Variants in CNTN5 observed in about 807,000 individuals in gnomAD.
The protein encoded by CNTN5 is contactin 5, also known as contactin-5.
A neutral mutation model predicts 129.1 loss-of-function variants in CNTN5; 77 were observed. The observed-to-expected ratio is 0.60, with a 90% confidence interval of 0.50 to 0.72. The LOEUF is 0.72. CNTN5 is among the 30% of genes least tolerant of loss of function. The pLI is 0.00. For synonymous variants in CNTN5, 509 were observed against 465.6 expected (o/e 1.09, Z -1.20); for missense variants, 1,478 against 1,328.8 (o/e 1.11, Z -1.75).
intron 16 of CNTN5, among the ~76,000 whole-genome samples, chr11:100,255,382 T>G (rs77091005): frequency 0.035 from 5,256 of 152,210 alleles, 336 homozygotes; most frequent in African/African-American, 0.12. Flanking sequence ...ATTTTTTTTT[T>G]GTCTCTGTAG....
chr11:99,399,837 CT>C (rs536751453), intron 2 of CNTN5, among the ~76,000 whole-genome samples: 6 of 151,366 alleles, frequency 4.0e-5, no homozygotes, highest in South Asian at 2.1e-4. Flanking sequence ...ATTTCTTTGG[CT>C]TTTTTTCTAT....
At chr11:100,251,541 G>C (rs1268660786) in intron 16 of CNTN5, among the ~76,000 whole-genome samples, 1 of 151,916 alleles carries the variant, frequency 6.6e-6, no homozygotes, top group Non-Finnish European at 1.5e-5. Flanking sequence ...CTGTACTTTT[G>C]TATCCTTTAA....
intron 2 of CNTN5, among the ~76,000 whole-genome samples, chr11:99,425,887 C>T (rs535929585): frequency 3.3e-5 from 5 of 152,320 alleles, no homozygotes; most frequent in South Asian, 2.1e-4. Context: ...GTCTTCACAG[C>T]GCTGCTCCAG....
At chr11:100,124,179 A>G (rs1048000208) in intron 13 of CNTN5, among the ~76,000 whole-genome samples, 1 of 152,040 alleles carries the variant, frequency 6.6e-6, no homozygotes, top group Non-Finnish European at 1.5e-5. Context: ...GAATTGTTAA[A>G]ATAGTTTGCT....
chr11:100,188,299 C>G (rs1406000667), intron 13 of CNTN5, among the ~76,000 whole-genome samples: 1 of 151,976 alleles, frequency 6.6e-6, no homozygotes, highest in East Asian at 1.9e-4. Context: ...CAAAAATTAG[C>G]CGGGTGTAGC....
intron 21 of CNTN5, among the ~76,000 whole-genome samples, chr11:100,320,769 G>A (rs1951675212): frequency 6.6e-6 from 1 of 152,012 alleles, no homozygotes; most frequent in South Asian, 2.1e-4. Flanking sequence ...TCAGTCTTCT[G>A]CATGTGGATA....
At position 99,275,186 on chromosome 11, in the gene CNTN5, T is replaced by A. The variant is rs1863368141; in HGVS notation, c.-209-50160T>A. Among the ~76,000 whole-genome samples, 4 of 151,046 alleles carry A rather than the reference T, an allele frequency of 2.6e-5. No homozygotes were observed. In the Admixed American group the frequency reaches 2.7e-4, roughly 10 times the overall value. On this transcript the variant is annotated intron_variant, in intron 1 of 24. Coordinates refer to ENST00000524871, the MANE Select transcript of CNTN5 (RefSeq NM_014361.4). ...TATTGACTTCATTGACAAGCCAAGT[T>A]CATTGATATATAAAAAAAAACTCAA...
chr11:99,642,467 T>C (rs1197223016), intron 3 of CNTN5, among the ~76,000 whole-genome samples: 1 of 152,214 alleles, frequency 6.6e-6, no homozygotes, highest in East Asian at 1.9e-4. Flanking sequence ...TTGTTTACTT[T>C]GTATTTTGTC....
intron 3 of CNTN5, among the ~76,000 whole-genome samples, chr11:99,793,474 G>C (rs1411242121): frequency 6.6e-6 from 1 of 152,110 alleles, no homozygotes; most frequent in Non-Finnish European, 1.5e-5. Context: ...TCTTCCGCTA[G>C]ATTTGGGGGT....
At chr11:99,411,594 G>A (rs1201593739) in intron 2 of CNTN5, among the ~76,000 whole-genome samples, 1 of 152,048 alleles carries the variant, frequency 6.6e-6, no homozygotes, top group African/African-American at 2.4e-5. Flanking sequence ...AGCTCTTAGG[G>A]TTTTATGTGG....
intron 1 of CNTN5, among the ~76,000 whole-genome samples, chr11:99,081,856 C>T (rs944239389): frequency 2.6e-5 from 4 of 152,096 alleles, no homozygotes; most frequent in African/African-American, 7.2e-5. Context: ...TAATATAATG[C>T]TTGAGACTAG....
chr11:99,523,303 G>C (rs1234581405), intron 2 of CNTN5, among the ~76,000 whole-genome samples: 1 of 152,160 alleles, frequency 6.6e-6, no homozygotes, highest in African/African-American at 2.4e-5. Context: ...ATTATGGGCT[G>C]TTTAAAATAG....
chr11:100,098,697 T>C (rs1289113038), intron 13 of CNTN5, among the ~76,000 whole-genome samples: 5 of 152,068 alleles, frequency 3.3e-5, no homozygotes, highest in Non-Finnish European at 5.9e-5. Context: ...AGTAGCATTT[T>C]GGGCCAGCAA....
intron 6 of CNTN5, among the ~76,000 whole-genome samples, chr11:99,915,771 CTT>C (rs769460205): frequency 2.6e-5 from 4 of 152,078 alleles, no homozygotes; most frequent in Admixed American, 6.6e-5. Context: ...AAAAATGACT[CTT>C]TGTGTTAAAA....
chr11:99,747,452 T>C (rs1215541896), intron 3 of CNTN5, among the ~76,000 whole-genome samples: 1 of 147,552 alleles, frequency 6.8e-6, no homozygotes, highest in Non-Finnish European at 1.5e-5. Flanking sequence ...TGAATAGAAG[T>C]CAGCATCCTT....
intron 16 of CNTN5, among the ~76,000 whole-genome samples, chr11:100,239,552 G>T (rs1214658870): frequency 1.3e-5 from 2 of 152,090 alleles, no homozygotes; most frequent in Non-Finnish European, 2.9e-5. Flanking sequence ...CATACCTTCA[G>T]TTGACAGTAA....
intron 15 of CNTN5, among the ~76,000 whole-genome samples, chr11:100,218,178 A>G (rs11223277): frequency 0.063 from 9,538 of 152,314 alleles, 373 homozygotes; most frequent in Non-Finnish European, 0.087. Context: ...ACATAAATAT[A>G]CCAACGCCTG....
intron 2 of CNTN5, among the ~76,000 whole-genome samples, chr11:99,536,821 G>T (rs980264916): frequency 7.2e-6 from 1 of 139,246 alleles, no homozygotes; most frequent in Non-Finnish European, 1.6e-5. Flanking sequence ...AAAGAAGCCA[G>T]ATATGTAATT....
chr11:99,875,331 T>C (rs1948604937), intron 6 of CNTN5, among the ~76,000 whole-genome samples: 1 of 147,050 alleles, frequency 6.8e-6, no homozygotes, highest in East Asian at 1.9e-4. Flanking sequence ...TTTTATTTAG[T>C]TCATAGATTT....
Sources: gnomAD v4.1 joint callset for allele counts (sites outside exome capture counted in the v4.1 genomes callset) on GRCh38, gnomAD v4.1.1 for gene constraint, MANE v1.5 for transcripts, NCBI Gene and HGNC (gene_info 2026-07-23, HGNC 2026-07-21) for gene names.